CELF6: variants seen among roughly 807,000 people sequenced by gnomAD.
The protein encoded by CELF6 is Bruno -like 6, RNA binding protein.
In CELF6, 32 loss-of-function variants were observed where a neutral mutation model predicts 53.1. The ratio of observed to expected loss-of-function variants is 0.60; its 90% CI spans 0.46 to 0.81. The LOEUF (loss-of-function observed/expected upper bound fraction) is 0.81, where lower values mean the gene tolerates loss of function less well. Ranked by LOEUF, CELF6 falls within the 30% of genes least tolerant of loss-of-function variation. The probability of loss-of-function intolerance (pLI) is 0.00; values close to 1 mark genes in which losing one functional copy is unlikely to be tolerated. For synonymous variants in CELF6, 291 were observed against 288.8 expected (o/e 1.01, Z -0.08); for missense variants, 539 against 669.5 (o/e 0.81, Z 2.15).
chr15:72,316,211 C>T (rs983190537), intron 1 of CELF6, among the ~76,000 whole-genome samples: 7 of 152,150 alleles, frequency 4.6e-5, no homozygotes, highest in Admixed American at 2.6e-4. Flanking sequence ...TCTCCCCTCC[C>T]CACTCCAGTC....
Position 72,285,880 on chromosome 15 carries a change from CT to C in CELF6, c.*490del, listed in dbSNP as rs1439840897. On this transcript the variant is annotated 3_prime_UTR_variant, in exon 13 of 13. Coordinates refer to ENST00000287202, the MANE Select transcript of CELF6 (RefSeq NM_052840.5). ...GGGGCTGTCAAGGGTCTCCTTCACC[CT>C]GTCTCCTAGGGATATTTAAAGGCAG... is the stretch of plus-strand genomic sequence containing the variant. 1 of 152,624 alleles carries C rather than the reference CT, an allele frequency of 6.6e-6. No homozygotes were observed. Among genetic ancestry groups the C allele is most frequent in the African/African-American group, 2.4e-5 (1 of 41,440 alleles). 9.5% of individuals were successfully genotyped at this position (152,624 alleles called of 1,614,324 possible).
intron 3 of CELF6, among the ~76,000 whole-genome samples, chr15:72,295,038 A>C (rs2088059565): frequency 6.8e-6 from 1 of 147,854 alleles, no homozygotes; most frequent in Admixed American, 6.8e-5. Flanking sequence ...ATCGAAAAGA[A>C]TAAAACACTT....
rs2087977513 is a variant in CELF6, at chr15:72,289,663, T to C, written c.711A>G (p.Pro237=). 5 of 1,498,308 alleles carry C rather than the reference T, an allele frequency of 3.3e-6. No homozygotes were observed. Among genetic ancestry groups the C allele is most frequent in the Non-Finnish European group, 4.4e-6 (5 of 1,133,014 alleles). The allele number at this position is 1,498,308 out of a possible 1,614,324, so 92.8% of individuals were successfully genotyped here. A position where few individuals can be genotyped will look rare whatever the true frequency, so the allele number is the denominator to read the frequency against. The change falls in exon 6 of 13, where the codon CCA becomes CCG. Residue 237 remains proline (P), a synonymous_variant. Transcript: ENST00000287202. This position sits in a 1 kb window ranked among gnomAD's most constrained non-coding sequence, Gnocchi z 7.6. Reference sequence around the variant, plus strand: ...AGGCGCCGCAGGCCCCTAGCGGCAGTGGCGCGGGGTGGAAGGCGCCCAGGT... The same window carrying C: ...AGGCGCCGCAGGCCCCTAGCGGCAGCGGCGCGGGGTGGAAGGCGCCCAGGT... ...AGHLGAFHPA[P]LPLGACGAYT...
intron 2 of CELF6, among the ~76,000 whole-genome samples, chr15:72,308,799 AG>A (rs2088262690): frequency 1.3e-5 from 2 of 151,366 alleles, no homozygotes; most frequent in African/African-American, 4.9e-5. Flanking sequence ...TCCGCCTCCC[AG>A]GTTCAAGCAA....
At chr15:72,315,048 G>A (rs2140307527) in intron 2 of CELF6, among the ~76,000 whole-genome samples, 1 of 152,118 alleles carries the variant, frequency 6.6e-6, no homozygotes, top group South Asian at 2.1e-4. Context: ...CTTTCTTGTA[G>A]ACAAACGACT....
chr15:72,295,817 A>G (rs748977689), intron 3 of CELF6, among the ~76,000 whole-genome samples: 2 of 152,192 alleles, frequency 1.3e-5, no homozygotes, highest in Non-Finnish European at 2.9e-5. Context: ...CTAAGATGTC[A>G]ATACTACTCC....
At chr15:72,292,241 A>C (rs1314122130) in intron 3 of CELF6, 2 of 1,535,428 alleles carry the variant, frequency 1.3e-6, no homozygotes, top group African/African-American at 2.7e-5. Flanking sequence ...TTGAGGGGGG[A>C]TCTGAGATCA....
chr15:72,311,344 GTCTC>G (rs2088293139), intron 2 of CELF6, among the ~76,000 whole-genome samples: 1 of 150,936 alleles, frequency 6.6e-6, no homozygotes, highest in Non-Finnish European at 1.5e-5. Flanking sequence ...CCCAATTCTG[GTCTC>G]TCTTTTACTT....
At position 72,319,893 on chromosome 15, in the gene CELF6, CTCCCGCCGGTCCCACTGGTCCCGCCTG is replaced by C; in HGVS notation, c.-46_-20del. ...CGGCCATGTCCCCGCCCTGTCAGCC[CTCCCGCCGGTCCCACTGGTCCCGCCTG>C]TCCCGCCGTCCCCTCCCTGGACCGG... On this transcript the variant is annotated 5_prime_UTR_variant, in exon 1 of 13. Transcript: ENST00000287202. This position sits in a 1 kb window ranked among gnomAD's most constrained non-coding sequence, Gnocchi z 5.0. The C allele has an allele frequency of 3.5e-6, 5 of 1,445,930 alleles. No individual in the cohort carries two copies. Among genetic ancestry groups the C allele is most frequent in the Non-Finnish European group, 4.5e-6 (5 of 1,103,784 alleles). 89.6% of individuals were successfully genotyped at this position (1,445,930 alleles called of 1,614,324 possible).
At chr15:72,317,872 G>A (rs1328466959) in intron 1 of CELF6, among the ~76,000 whole-genome samples, 2 of 152,174 alleles carry the variant, frequency 1.3e-5, no homozygotes, top group African/African-American at 2.4e-5. Flanking sequence ...GACTAGCCGG[G>A]ATAGAGGGTG....
intron 2 of CELF6, among the ~76,000 whole-genome samples, chr15:72,307,732 T>C (rs2088248994): frequency 6.6e-6 from 1 of 152,076 alleles, no homozygotes; most frequent in Non-Finnish European, 1.5e-5. Flanking sequence ...TGAACACAAA[T>C]AGTGAGGCAC....
Position 72,288,288 on chromosome 15 carries a change from G to C in CELF6, c.1318+20C>G, listed in dbSNP as rs367627009. ...TATAGTCAGAGGTGGGAGAGGCCTAGGGGTAGGTTCTCAGCTCACCAAAAC... is the reference window on the plus strand; with the variant it reads ...TATAGTCAGAGGTGGGAGAGGCCTACGGGTAGGTTCTCAGCTCACCAAAAC... On this transcript the variant is annotated intron_variant, in intron 11 of 12. Transcript: ENST00000287202. The surrounding 1 kb of genome is among the most constrained non-coding windows in gnomAD (Gnocchi z 4.6). The C allele has an allele frequency of 8.1e-6, 13 of 1,613,766 alleles. No individual in the cohort carries two copies. The highest frequency in any genetic ancestry group is 1.0e-5 in the Non-Finnish European group (12 of 1,179,702).
chr15:72,319,077 G>A lies in CELF6; in HGVS notation c.262+536C>T, dbSNP rs1457118925. 6.6e-6 allele frequency among the ~76,000 whole-genome samples: 1 copy of A among 152,072 alleles called. No homozygotes were observed. The highest frequency in any genetic ancestry group is 2.1e-4 in the South Asian group (1 of 4,816). On this transcript the variant is annotated intron_variant, in intron 1 of 12. Coordinates refer to ENST00000287202, the MANE Select transcript of CELF6 (RefSeq NM_052840.5). This position sits in a 1 kb window ranked among gnomAD's most constrained non-coding sequence, Gnocchi z 5.0. Reference sequence around the variant, plus strand: ...TGGGTTCTGAAGAAGGGGAGGGTTTGGGTCTGCGGTGTTTTAGGTTGGCAG... The same window carrying A: ...TGGGTTCTGAAGAAGGGGAGGGTTTAGGTCTGCGGTGTTTTAGGTTGGCAG...
At chr15:72,314,602 T>TTTTTTTTTTTTTTTTTTTTTTG (rs2088339440) in intron 2 of CELF6, among the ~76,000 whole-genome samples, 1 of 144,926 alleles carries the variant, frequency 6.9e-6, no homozygotes, top group African/African-American at 2.7e-5. Context: ...TTTTTTTTTT[T>TTTTTTTTTTTTTTTTTTTTTTG]TTTTTTTTTT....
At position 72,289,336 on chromosome 15, in the gene CELF6, G is replaced by A. The variant is rs1567277466; in HGVS notation, c.880+39C>T. The A allele has an allele frequency of 2.8e-6, 4 of 1,444,978 alleles. No homozygotes were observed. The highest frequency in any genetic ancestry group is 2.8e-6 in the Non-Finnish European group (3 of 1,077,904). The allele number at this position is 1,444,978 out of a possible 1,614,324, so 89.5% of individuals were successfully genotyped here. ...GTCAGGCCGCCACCCCGCCCCGCCC[G>A]GCCCCTCCCAGGCGCGCCCCAGTCC... On this transcript the variant is annotated intron_variant, in intron 7 of 12. Transcript: ENST00000287202. This position sits in a 1 kb window ranked among gnomAD's most constrained non-coding sequence, Gnocchi z 7.6.
chr15:72,298,055 C>T (rs930848614), intron 3 of CELF6, among the ~76,000 whole-genome samples: 2 of 152,174 alleles, frequency 1.3e-5, no homozygotes, highest in African/African-American at 2.4e-5. Flanking sequence ...GGACCAATAA[C>T]AGGTATGACT....
chr15:72,296,111 CA>C (rs1422910267), intron 3 of CELF6, among the ~76,000 whole-genome samples: 1 of 152,124 alleles, frequency 6.6e-6, no homozygotes, highest in Non-Finnish European at 1.5e-5. Context: ...ACAAGGGAGG[CA>C]AGGTCATTCA....
chr15:72,294,478 C>A (rs2088048656), intron 3 of CELF6, among the ~76,000 whole-genome samples: 1 of 152,126 alleles, frequency 6.6e-6, no homozygotes, highest in African/African-American at 2.4e-5. Context: ...TAAGAAGCCA[C>A]GGGGAAAGTG....
At chr15:72,287,772 G>T (rs1010966769) in intron 11 of CELF6, among the ~76,000 whole-genome samples, 4 of 151,858 alleles carry the variant, frequency 2.6e-5, no homozygotes, top group African/African-American at 7.3e-5. Context: ...CCAAAGCTCT[G>T]ACCTAGCTGG....
Sources: gnomAD v4.1 joint callset for allele counts (sites outside exome capture counted in the v4.1 genomes callset) on GRCh38, gnomAD v4.1.1 for gene constraint, Gnocchi (gnomAD v3.1) non-coding constraint, MANE v1.5 for transcripts, NCBI Gene and HGNC (gene_info 2026-07-23, HGNC 2026-07-21) for gene names.